BNC1: variants seen among roughly 807,000 people sequenced by gnomAD.
BNC1 encodes the protein zinc finger protein basonuclin-1.
A neutral mutation model predicts 66.5 loss-of-function variants in BNC1; 8 were observed. The ratio of observed to expected loss-of-function variants is 0.12; its 90% CI spans 0.07 to 0.22. The LOEUF is 0.22. BNC1 is among the 10% of genes least tolerant of loss of function. The probability of loss-of-function intolerance (pLI) is 1.00; values close to 1 mark genes in which losing one functional copy is unlikely to be tolerated. For synonymous variants in BNC1, 454 were observed against 452.6 expected (o/e 1.00, Z -0.04); for missense variants, 1,069 against 1,241.3 (o/e 0.86, Z 2.09).
At chr15:83,283,064 TGCCCCCC>T in intron 1 of BNC1, 3 of 1,477,544 alleles carry the variant, frequency 2.0e-6, no homozygotes, top group Non-Finnish European at 2.7e-6. Flanking sequence ...GAGCGTCTGA[TGCCCCCC>T]GCCCCCCAAC....
At position 83,264,301 on chromosome 15, in the gene BNC1, C is replaced by T; in HGVS notation, c.950G>A (p.Ser317Asn). The T allele has an allele frequency of 6.2e-7, 1 of 1,614,080 alleles. No individual in the cohort carries two copies. The highest frequency in any genetic ancestry group is 8.5e-7 in the Non-Finnish European group (1 of 1,180,014). Residue 317 changes from serine to asparagine, a missense_variant, in exon 4 of 5, where the codon AGC becomes AAC. By Grantham distance (46) the Ser-to-Asn change is conservative (BLOSUM62 1). Around this residue, in one of 7 missense-constraint regions of BNC1, gnomAD observed 82 missense variants for 136.3 expected, o/e 0.60. Transcript: ENST00000345382. Reference protein sequence around the residue: ...CPDAITKKEDSTHLSDSSSYN... With the variant: ...CPDAITKKEDNTHLSDSSSYN... ...TGAGCTGGAGTCACTTAAATGGGTG[C>T]TGTCTTCTTTTTTAGTAATAGCATC...
intron 1 of BNC1, among the ~76,000 whole-genome samples, chr15:83,280,392 C>T (rs1595943548): frequency 6.6e-6 from 1 of 152,200 alleles, no homozygotes; most frequent in South Asian, 2.1e-4. Context: ...GAGCAAAACA[C>T]TTACACTTTA....
chr15:83,274,814 G>A (rs932681798), intron 1 of BNC1, among the ~76,000 whole-genome samples: 3 of 152,182 alleles, frequency 2.0e-5, no homozygotes, highest in African/African-American at 4.8e-5. Context: ...TTACTATCCC[G>A]ATTTTATAGA....
chr15:83,257,608 T>C lies in BNC1; in HGVS notation c.2819A>G (p.Lys940Arg), dbSNP rs375919315. The C allele has an allele frequency of 6.2e-7, 1 of 1,614,118 alleles. No homozygotes were observed. Among genetic ancestry groups the C allele is most frequent in the Non-Finnish European group, 8.5e-7 (1 of 1,180,020 alleles). ...CHLCQKTYSN[K>R]GTFRAHYKTV... ...TTTGTAGTGGGCCCTAAAGGTCCCT[T>C]TGTTACTGTATGTCTTTTGGCAGAG... is the stretch of plus-strand genomic sequence containing the variant. The change falls in exon 5 of 5, where the codon AAA becomes AGA. Residue 940 changes from lysine to arginine, a missense_variant. Physicochemically the swap from Lys to Arg is conservative, Grantham distance 26 (BLOSUM62 2). This residue lies in a region of BNC1 where 657 missense variants were observed against 715.8 expected (regional missense o/e 0.92). Transcript: ENST00000345382.
chr15:83,258,080 C>T lies in BNC1; in HGVS notation c.2347G>A (p.Ala783Thr). Reference sequence around the variant, plus strand: ...AAATGATCTTCACTACTCTCCAATGCTTCCTGGCTCAATGCTTTTTGGTGG... The same window carrying T: ...AAATGATCTTCACTACTCTCCAATGTTTCCTGGCTCAATGCTTTTTGGTGG... ...NLHQKALSQE[A>T]LESSEDHFRA... Residue 783 changes from alanine (A) to threonine (T), a missense_variant, in exon 5 of 5, where the codon GCA (alanine) becomes ACA (threonine). By Grantham distance (58) the Ala-to-Thr change is moderately conservative (BLOSUM62 0). Transcript: ENST00000345382. 1 of 1,606,980 alleles carries T rather than the reference C, an allele frequency of 6.2e-7. No homozygotes were observed. Among genetic ancestry groups the T allele is most frequent in the Non-Finnish European group, 8.5e-7 (1 of 1,173,894 alleles).
intron 1 of BNC1, among the ~76,000 whole-genome samples, chr15:83,270,147 A>G (rs902923613): frequency 2.6e-5 from 4 of 152,174 alleles, no homozygotes; most frequent in Non-Finnish European, 5.9e-5. Context: ...GTTTGTTTTC[A>G]TCTTTGAGAA....
At chr15:83,272,385 C>G (rs964419163) in intron 1 of BNC1, among the ~76,000 whole-genome samples, 3 of 141,112 alleles carry the variant, frequency 2.1e-5, no homozygotes, top group African/African-American at 8.2e-5. Context: ...CATGCACCAC[C>G]ACACCTGGCT....
chr15:83,281,476 G>A (rs1461365607), intron 1 of BNC1, among the ~76,000 whole-genome samples: 1 of 152,160 alleles, frequency 6.6e-6, no homozygotes, highest in Non-Finnish European at 1.5e-5. Flanking sequence ...CCTTAGCTAA[G>A]GTATTTTCAG....
rs1008845108 is a variant in BNC1 at position 83,283,081 on chromosome 15, C to G, written c.99+1449G>C. On this transcript the variant is annotated intron_variant, in intron 1 of 4. Coordinates refer to ENST00000345382, the MANE Select transcript of BNC1 (RefSeq NM_001717.4). ...GCGTCTGATGCCCCCCGCCCCCCAA[C>G]CACACACAACTTCACTCACACAATT... 7 of 1,522,132 alleles carry G rather than the reference C, an allele frequency of 4.6e-6. No homozygotes were observed. The African/African-American group carries it at 9.6e-5, about 21-fold the overall frequency. The allele number at this position is 1,522,132 out of a possible 1,614,324, so 94.3% of individuals were successfully genotyped here. A position where few individuals can be genotyped will look rare whatever the true frequency, so the allele number is the denominator to read the frequency against.
Position 83,263,501 on chromosome 15 carries a change from A to G in BNC1, c.1750T>C (p.Ser584Pro). 6.2e-7 allele frequency: 1 copy of G among 1,614,218 alleles called. No homozygotes were observed. The highest frequency in any genetic ancestry group is 8.5e-7 in the Non-Finnish European group (1 of 1,180,036). Reference protein sequence around the residue: ...EDEQEACSPQSHRVSEEQHVQ... With the variant: ...EDEQEACSPQPHRVSEEQHVQ... ...TGCTGCTCCTCAGATACTCTGTGTG[A>G]CTGAGGACTGCAGGCCTCCTGCTCA... The change falls in exon 4 of 5, where the codon TCA becomes CCA. Residue 584 changes from serine to proline, a missense_variant. This residue lies in a region of BNC1 where 657 missense variants were observed against 715.8 expected (regional missense o/e 0.92). Transcript: ENST00000345382.
intron 4 of BNC1, among the ~76,000 whole-genome samples, chr15:83,261,658 G>C (rs1032536626): frequency 6.6e-6 from 1 of 152,220 alleles, no homozygotes. Context: ...GCACAAGCAA[G>C]ACAGTAACAC....
At chr15:83,270,499 T>C (rs902946371) in intron 1 of BNC1, among the ~76,000 whole-genome samples, 17 of 152,214 alleles carry the variant, frequency 1.1e-4, no homozygotes, top group African/African-American at 3.6e-4. Context: ...ACACTTGTTA[T>C]TGTCTGTTTT....
intron 4 of BNC1, among the ~76,000 whole-genome samples, chr15:83,262,046 T>G (rs1010150930): frequency 3.3e-4 from 18 of 53,892 alleles, no homozygotes; most frequent in Non-Finnish European, 5.2e-4. Flanking sequence ...CTAGTTCATG[T>G]TTTTTTTTTT....
chr15:83,269,143 A>C (rs1170813010), intron 1 of BNC1, among the ~76,000 whole-genome samples: 1 of 152,144 alleles, frequency 6.6e-6, no homozygotes, highest in Non-Finnish European at 1.5e-5. Flanking sequence ...AGAATCGCTT[A>C]AACCCGGGAG....
chr15:83,275,019 A>G (rs963586248), intron 1 of BNC1, among the ~76,000 whole-genome samples: 3 of 152,248 alleles, frequency 2.0e-5, no homozygotes, highest in Non-Finnish European at 4.4e-5. Context: ...CACAGTAAAG[A>G]CATTTCATTC....
intron 1 of BNC1, among the ~76,000 whole-genome samples, chr15:83,275,135 T>C (rs2038306617): frequency 6.6e-6 from 1 of 152,240 alleles, no homozygotes; most frequent in Non-Finnish European, 1.5e-5. Context: ...AAGGAGCTTA[T>C]ATTCTAAAGG....
At chr15:83,284,409 A>C in intron 1 of BNC1, 121 bp downstream of exon 1, 15 of 522,334 alleles carry the variant, frequency 2.9e-5, no homozygotes, top group East Asian at 1.4e-4. Flanking sequence ...CCGCGCAGGT[A>C]GCCAGCTGGC....
intron 1 of BNC1, among the ~76,000 whole-genome samples, chr15:83,276,857 T>C (rs368103154): frequency 1.3e-5 from 2 of 152,340 alleles, no homozygotes; most frequent in South Asian, 2.1e-4. Context: ...TCCAGTTGAC[T>C]ATGGAGAGGG....
In BNC1 at chr15:83,263,096, G is replaced by A. The variant is rs201815978; in HGVS notation, c.2155C>T (p.Arg719Cys). Residue 719 changes from arginine to cysteine, a missense_variant, in exon 4 of 5, where the codon CGC becomes TGC. Arg to Cys is a radical substitution (Grantham distance 180, BLOSUM62 -3). Transcript: ENST00000345382. ...TTCTTGCAGATGTCACACTGGAAGC[G>A]ATTTTCTTCTATCTGCCTTGCTAAT... The part of the protein sequence containing the change: ...HALARQIEEN[R>C]FQCDICKKTF... 236 of 1,614,184 alleles carry A rather than the reference G, an allele frequency of 1.5e-4. 4 individuals carry two copies. In the South Asian group the frequency reaches 1.9e-3, roughly 13 times the overall value.
Sources: allele counts gnomAD v4.1 joint callset (sites outside exome capture counted in the v4.1 genomes callset), GRCh38; gene constraint gnomAD v4.1.1; regional missense constraint gnomAD v4.1.1; transcripts MANE v1.5; gene names NCBI Gene and HGNC (gene_info 2026-07-23, HGNC 2026-07-21).